Variants in ICAM1 observed in about 807,000 individuals in gnomAD.
ICAM1 encodes the protein intercellular adhesion molecule 1, also known as ICAM-1.
A neutral mutation model predicts 42.3 loss-of-function variants in ICAM1; 28 were observed. That is an observed-to-expected ratio of 0.66 (90% CI 0.49 to 0.91). The LOEUF (loss-of-function observed/expected upper bound fraction) is 0.91, where lower values mean the gene tolerates loss of function less well. Among genes scored for constraint, ICAM1 ranks in the 40% least tolerant of loss-of-function variants. The pLI, the probability that ICAM1 is intolerant of heterozygous loss-of-function variation, is 0.00. For synonymous variants in ICAM1, 304 were observed against 305.9 expected (o/e 0.99, Z 0.07); for missense variants, 637 against 688.6 (o/e 0.93, Z 0.84).
At chr19:10,283,917 A>T in intron 3 of ICAM1, 116 bp from the exon 4 acceptor site, 1 of 1,447,462 alleles carries the variant, frequency 6.9e-7, no homozygotes, top group Non-Finnish European at 9.4e-7. Flanking sequence ...GGCGTATGTG[A>T]CCTAGGCTGC....
At chr19:10,275,910 G>A (rs1050108960) in intron 2 of ICAM1, among the ~76,000 whole-genome samples, 132 of 151,308 alleles carry the variant, frequency 8.7e-4, no homozygotes, top group Middle Eastern at 3.2e-3. Context: ...GGGTTTCACT[G>A]TGTTAGCCAG....
intron 2 of ICAM1, among the ~76,000 whole-genome samples, chr19:10,275,974 C>G (rs2040014188): frequency 6.6e-6 from 1 of 151,142 alleles, no homozygotes; most frequent in African/African-American, 2.4e-5. Flanking sequence ...TCCCAAAGTG[C>G]TGGGATTACA....
chr19:10,275,832 C>G (rs1007038678), intron 2 of ICAM1, among the ~76,000 whole-genome samples: 1 of 151,094 alleles, frequency 6.6e-6, no homozygotes, highest in Admixed American at 6.6e-5. Flanking sequence ...CTCAGCCTCC[C>G]GAGTAGCTGG....
chr19:10,275,885 T>G (rs766110360), intron 2 of ICAM1, among the ~76,000 whole-genome samples: 132 of 151,492 alleles, frequency 8.7e-4, no homozygotes, highest in Middle Eastern at 3.2e-3. Flanking sequence ...TTTTTTTGTA[T>G]TTTTAGTAGA....
intron 1 of ICAM1, among the ~76,000 whole-genome samples, chr19:10,274,265 T>A (rs545277583): frequency 6.6e-6 from 1 of 152,140 alleles, no homozygotes; most frequent in South Asian, 2.1e-4. Context: ...TTTGTTTTTG[T>A]CAAAGCTCAT....
intron 2 of ICAM1, among the ~76,000 whole-genome samples, chr19:10,279,471 AT>A (rs1362525036): frequency 6.6e-6 from 1 of 151,810 alleles, no homozygotes; most frequent in Non-Finnish European, 1.5e-5. Flanking sequence ...GAACCCAGGA[AT>A]TTTTTTGTTT....
chr19:10,280,134 A>C (rs2040045643), intron 2 of ICAM1, among the ~76,000 whole-genome samples: 1 of 152,186 alleles, frequency 6.6e-6, no homozygotes, highest in Admixed American at 6.5e-5. Context: ...TTCAGTGACC[A>C]GGATTTGGTA....
chr19:10,271,438 A>T (rs1305181124), intron 1 of ICAM1, among the ~76,000 whole-genome samples: 3 of 147,552 alleles, frequency 2.0e-5, no homozygotes, highest in African/African-American at 7.6e-5. Context: ...AAAAAAGGGT[A>T]GGGGGTTGGA....
Position 10,285,038 on chromosome 19 carries a change from C to T in ICAM1, c.1426+10C>T. 2 of 1,613,366 alleles carry T rather than the reference C, an allele frequency of 1.2e-6. No individual in the cohort carries two copies. The highest frequency in any genetic ancestry group is 1.7e-5 in the Admixed American group (1 of 59,872). ...ACCGTGAATGTGCTCTGTGAGTGAG[C>T]CGGCGGGCAGAGCTGGGTGGGGGCA... On this transcript the variant is annotated intron_variant, in intron 6 of 6. Coordinates refer to ENST00000264832, the MANE Select transcript of ICAM1 (RefSeq NM_000201.3).
At chr19:10,281,573 G>A (rs949589320) in intron 2 of ICAM1, among the ~76,000 whole-genome samples, 2 of 152,082 alleles carry the variant, frequency 1.3e-5, no homozygotes, top group East Asian at 1.9e-4. Context: ...TATGTACAGC[G>A]ACTCTGTCTA....
rs761261553 is a variant in ICAM1 at position 10,285,262 on chromosome 19, C to A, written c.1574C>A (p.Pro525Gln). ...GCCCAAAAAGGGACCCCCATGAAACCGAACACACAAGCCACGCCTCCCTGA... is the reference window on the plus strand; with the variant it reads ...GCCCAAAAAGGGACCCCCATGAAACAGAACACACAAGCCACGCCTCCCTGA... ...QQAQKGTPMK[P>Q]NTQATPP Residue 525 changes from proline (P) to glutamine (Q), a missense_variant, in exon 7 of 7, where the codon CCG (proline) becomes CAG (glutamine). By Grantham distance (76) the Pro-to-Gln change is moderately conservative. Coordinates refer to ENST00000264832, the MANE Select transcript of ICAM1 (RefSeq NM_000201.3). 3 of 1,614,104 alleles carry A rather than the reference C, an allele frequency of 1.9e-6. No homozygotes were observed. Among genetic ancestry groups the A allele is most frequent in the Non-Finnish European group, 2.5e-6 (3 of 1,180,002 alleles).
Position 10,284,685 on chromosome 19 carries a change from C to T in ICAM1, c.1180+28C>T. ...GAGTGGGGCTGCTGGTCAATGGCCC[C>T]TATCCCCCAAGGCCCAATCTCCCTG... is the stretch of plus-strand genomic sequence containing the variant. On this transcript the variant is annotated intron_variant, in intron 5 of 6. Coordinates refer to ENST00000264832, the MANE Select transcript of ICAM1 (RefSeq NM_000201.3). The surrounding 1 kb of genome is among the most constrained non-coding windows in gnomAD (Gnocchi z 5.4). The T allele has an allele frequency of 2.5e-6, 4 of 1,613,356 alleles. No individual in the cohort carries two copies. The highest frequency in any genetic ancestry group is 3.4e-6 in the Non-Finnish European group (4 of 1,179,620).
chr19:10,284,640 G>T lies in ICAM1; in HGVS notation c.1163G>T (p.Arg388Leu). 2 of 1,614,066 alleles carry T rather than the reference G, an allele frequency of 1.2e-6. No homozygotes were observed. Among genetic ancestry groups the T allele is most frequent in the Non-Finnish European group, 1.7e-6 (2 of 1,179,998 alleles). The change falls in exon 5 of 7, where the codon CGG becomes CTG. Residue 388 changes from arginine to leucine, a missense_variant. Coordinates refer to ENST00000264832, the MANE Select transcript of ICAM1 (RefSeq NM_000201.3). This position sits in a 1 kb window ranked among gnomAD's most constrained non-coding sequence, Gnocchi z 5.4. ...AGQLIHKNQTRELRVLYGPRL... is the reference protein window; with the variant it reads ...AGQLIHKNQTLELRVLYGPRL... ...CAGCTTATACACAAGAACCAGACCC[G>T]GGAGCTTCGTGTCCTGTGTGAGTGG...
chr19:10,271,259 T>G, intron 1 of ICAM1, 33 bp downstream of exon 1: 1 of 1,601,506 alleles, frequency 6.2e-7, no homozygotes, highest in Non-Finnish European at 8.5e-7. Flanking sequence ...GTCGGGCCAG[T>G]TCTCCGAAGC....
intron 2 of ICAM1, among the ~76,000 whole-genome samples, chr19:10,276,284 G>T (rs933087320): frequency 6.6e-6 from 1 of 151,744 alleles, no homozygotes; most frequent in African/African-American, 2.4e-5. Context: ...AGTGGCTCAC[G>T]CCTGTAATCC....
intron 1 of ICAM1, among the ~76,000 whole-genome samples, chr19:10,273,406 C>T (rs956618042): frequency 2.0e-5 from 3 of 151,638 alleles, no homozygotes; most frequent in African/African-American, 4.8e-5. Flanking sequence ...GCAGGAGAAT[C>T]GCTTGAACCT....
chr19:10,284,763 A>G lies in ICAM1; in HGVS notation c.1181-20A>G, dbSNP rs1368955431. 3 of 1,606,988 alleles carry G rather than the reference A, an allele frequency of 1.9e-6. No homozygotes were observed. In the South Asian group the frequency reaches 3.3e-5, roughly 18 times the overall value. On this transcript the variant is annotated intron_variant, in intron 5 of 6. Coordinates refer to ENST00000264832, the MANE Select transcript of ICAM1 (RefSeq NM_000201.3). This position sits in a 1 kb window ranked among gnomAD's most constrained non-coding sequence, Gnocchi z 5.4. ...TCCTGCCCCCACCCACCTCCATGTC[A>G]TCTCATCGTGTTTTTCCAGATGGCC...
intron 2 of ICAM1, among the ~76,000 whole-genome samples, chr19:10,282,089 AG>A (rs1211266741): frequency 6.1e-5 from 9 of 146,708 alleles, no homozygotes; most frequent in African/African-American, 2.3e-4. Context: ...TTTTTTTAAT[AG>A]AAACAGGGTC....
chr19:10,285,278 G>A lies in ICAM1; in HGVS notation c.1590G>A (p.Thr530=), dbSNP rs145990265. 27 of 1,613,768 alleles carry A rather than the reference G, an allele frequency of 1.7e-5. No homozygotes were observed. The highest frequency in any genetic ancestry group is 1.6e-4 in the African/African-American group (12 of 74,914). The change falls in exon 7 of 7, where the codon ACG becomes ACA. Residue 530 remains threonine, a synonymous_variant. Coordinates refer to ENST00000264832, the MANE Select transcript of ICAM1 (RefSeq NM_000201.3). ...CCATGAAACCGAACACACAAGCCAC[G>A]CCTCCCTGAACCTATCCCGGGACAG... ...GTPMKPNTQA[T]PP is the part of the protein sequence containing the mutation.
Sources: gnomAD v4.1 joint callset for allele counts (sites outside exome capture counted in the v4.1 genomes callset) on GRCh38, gnomAD v4.1.1 for gene constraint, Gnocchi (gnomAD v3.1) non-coding constraint, MANE v1.5 for transcripts, NCBI Gene and HGNC (gene_info 2026-07-23, HGNC 2026-07-21) for gene names.